The following CYSRT1 variants were observed in gnomAD, a reference collection of about 807,000 sequenced individuals.
CYSRT1 encodes the protein cysteine-rich tail protein 1.
Under a neutral mutation model 6.2 loss-of-function variants are expected in CYSRT1, and 7 were observed. The ratio of observed to expected loss-of-function variants is 1.13; its 90% confidence interval spans 0.64 to 2.13. The LOEUF is 2.13. Ranked by LOEUF, CYSRT1 falls within the 30% of genes most tolerant of loss-of-function variation. The pLI is 0.00. For missense variants in CYSRT1, 188 were observed against 196.4 expected (o/e 0.96, Z 0.26); for synonymous variants, 75 against 83.1 (o/e 0.90, Z 0.53).
intron 1 of CYSRT1, 65 bp from the exon 2 acceptor site, chr9:137,225,549 C>A: frequency 6.8e-7 from 1 of 1,476,116 alleles, no homozygotes; most frequent in South Asian, 1.4e-5. Context: ...TCCTGGGCCG[C>A]AGGCTCGTGG....
At position 137,226,263 on chromosome 9, in the gene CYSRT1, CCT is replaced by C. The variant is rs1429188566; in HGVS notation, c.*208_*209del. On this transcript the variant is annotated 3_prime_UTR_variant, in exon 2 of 2. Coordinates refer to ENST00000650725, the MANE Select transcript of CYSRT1 (RefSeq NM_199001.5). ...CAGGTCCTGGCTGGAGAGGGACACC[CCT>C]GATTACCTTAAGGCCCAGGCAATAA... The C allele has an allele frequency of 3.4e-5, 30 of 889,006 alleles. No individual in the cohort carries two copies. In the Admixed American group the frequency reaches 5.9e-4, roughly 18 times the overall value. The allele number at this position is 889,006 out of a possible 1,614,324, so 55.1% of individuals were successfully genotyped here.
intron 1 of CYSRT1, 145 bp downstream of exon 1, chr9:137,225,378 AG>A (rs200053574): frequency 0.037 from 41,810 of 1,141,422 alleles, 1,005 homozygotes; most frequent in Admixed American, 0.082. Context: ...GATCCCTGGC[AG>A]GGGTGGCAGC....
In CYSRT1 at chr9:137,226,149, T is replaced by G. The variant is rs2131392025; in HGVS notation, c.*93T>G. The G allele has an allele frequency of 6.7e-7, 1 of 1,486,420 alleles. No individual in the cohort carries two copies. Among genetic ancestry groups the G allele is most frequent in the Admixed American group, 2.1e-5 (1 of 47,408 alleles). 92.1% of individuals were successfully genotyped at this position (1,486,420 alleles called of 1,614,324 possible). A position where few individuals can be genotyped will look rare whatever the true frequency, so the allele number is the denominator to read the frequency against. On this transcript the variant is annotated 3_prime_UTR_variant, in exon 2 of 2. Transcript: ENST00000650725. ...GCCGGGACATGCGGGGTGGCTGTTGTCATGGGCGTCTGCCCCTTCACACCA... is the reference window on the plus strand; with the variant it reads ...GCCGGGACATGCGGGGTGGCTGTTGGCATGGGCGTCTGCCCCTTCACACCA...
At chr9:137,225,457 C>A (rs1835949740) in intron 1 of CYSRT1, among the ~76,000 whole-genome samples, 157 bp from the exon 2 acceptor site, 1 of 152,262 alleles carries the variant, frequency 6.6e-6, no homozygotes, top group Admixed American at 6.5e-5. Flanking sequence ...CTTGCACACA[C>A]ATTTGGAGGT....
rs544399774 is a variant in CYSRT1, at chr9:137,226,135, C to T, written c.*79C>T. On this transcript the variant is annotated 3_prime_UTR_variant, in exon 2 of 2. Coordinates refer to ENST00000650725, the MANE Select transcript of CYSRT1 (RefSeq NM_199001.5). ...CAGTGCCGGGACATGCCGGGACATG[C>T]GGGGTGGCTGTTGTCATGGGCGTCT... The T allele has an allele frequency of 5.7e-5, 85 of 1,498,008 alleles. No individual in the cohort carries two copies. The African/African-American group carries it at 8.2e-4, about 14-fold the overall frequency. 92.8% of individuals were successfully genotyped at this position (1,498,008 alleles called of 1,614,324 possible).
rs1835965207 is a variant in CYSRT1, at chr9:137,225,974, G to A, written c.353G>A (p.Cys118Tyr). The A allele has an allele frequency of 6.7e-7, 1 of 1,501,340 alleles. No homozygotes were observed. The highest frequency in any genetic ancestry group is 2.0e-5 in the Admixed American group (1 of 49,814). The allele number at this position is 1,501,340 out of a possible 1,614,324, so 93.0% of individuals were successfully genotyped here. A position where few individuals can be genotyped will look rare whatever the true frequency, so the allele number is the denominator to read the frequency against. Residue 118 changes from cysteine (C) to tyrosine (Y), a missense_variant, in exon 2 of 2, where the codon TGC (cysteine) becomes TAC (tyrosine). Coordinates refer to ENST00000650725, the MANE Select transcript of CYSRT1 (RefSeq NM_199001.5). ...AGRGDDIAHH[C>Y]CCCPCCHCCH... ...CGCGGGGATGACATCGCCCACCACT[G>A]CTGCTGCTGCCCCTGCTGCCACTGC...
chr9:137,225,257 G>A, intron 1 of CYSRT1, 24 bp downstream of exon 1: 1 of 1,521,822 alleles, frequency 6.6e-7, no homozygotes, highest in Non-Finnish European at 8.9e-7. Context: ...CGCCGGGACT[G>A]CCCTGAACTC....
rs1253317071 is a variant in CYSRT1, at chr9:137,225,617, G to A, written c.-5G>A. 1 of 1,549,898 alleles carries A rather than the reference G, an allele frequency of 6.5e-7. No homozygotes were observed. The highest frequency in any genetic ancestry group is 2.0e-5 in the Admixed American group (1 of 50,934). ...TCTTCTCTGCCCACCCCTGCAGGCTGGACCATGGACCCCCAAGAGATGGTC... is the reference window on the plus strand; with the variant it reads ...TCTTCTCTGCCCACCCCTGCAGGCTAGACCATGGACCCCCAAGAGATGGTC... On this transcript the variant is annotated 5_prime_UTR_variant, in exon 2 of 2. Transcript: ENST00000650725.
intron 1 of CYSRT1, among the ~76,000 whole-genome samples, 183 bp from the exon 2 acceptor site, chr9:137,225,431 C>A (rs1266676907): frequency 2.6e-5 from 4 of 152,278 alleles, no homozygotes; most frequent in Non-Finnish European, 1.5e-5. Context: ...ACTTGGCTCA[C>A]ACCCATGACA....
rs1474358749 is a variant in CYSRT1, at chr9:137,226,284, G to A, written c.*228G>A. ...CACCCCTGATTACCTTAAGGCCCAG[G>A]CAATAAAGCAGGGTGATCTTCCTCC... On this transcript the variant is annotated 3_prime_UTR_variant, in exon 2 of 2. Coordinates refer to ENST00000650725, the MANE Select transcript of CYSRT1 (RefSeq NM_199001.5). 8.1e-6 allele frequency: 6 copies of A among 743,474 alleles called. No homozygotes were observed. Among genetic ancestry groups the A allele is most frequent in the Non-Finnish European group, 1.3e-5 (6 of 467,934 alleles). 46.1% of individuals were successfully genotyped at this position (743,474 alleles called of 1,614,324 possible).
chr9:137,225,360 A>G, intron 1 of CYSRT1, 127 bp downstream of exon 1: 1 of 1,112,720 alleles, frequency 9.0e-7, no homozygotes. Flanking sequence ...CCACCAGGGG[A>G]GGGGGAGGAT....
At position 137,225,785 on chromosome 9, in the gene CYSRT1, C is replaced by T. The variant is rs746326548; in HGVS notation, c.164C>T (p.Thr55Ile). The change falls in exon 2 of 2, where the codon ACC (threonine) becomes ATC (isoleucine). Residue 55 changes from threonine (T) to isoleucine (I), a missense_variant. Coordinates refer to ENST00000650725, the MANE Select transcript of CYSRT1 (RefSeq NM_199001.5). The part of the protein sequence containing the change: ...LPVGPCAPEP[T>I]HLLQPTEVPG... ...GTGGGGCCCTGTGCCCCAGAGCCAA[C>T]CCACCTCTTGCAGCCGACCGAGGTC... 2 of 1,549,792 alleles carry T rather than the reference C, an allele frequency of 1.3e-6. No individual in the cohort carries two copies. The highest frequency in any genetic ancestry group is 2.7e-5 in the African/African-American group (2 of 73,050).
Position 137,226,095 on chromosome 9 carries a change from C to A in CYSRT1, c.*39C>A. 6.5e-7 allele frequency: 1 copy of A among 1,533,620 alleles called. No individual in the cohort carries two copies. The highest frequency in any genetic ancestry group is 8.8e-7 in the Non-Finnish European group (1 of 1,135,678). Reference sequence around the variant, plus strand: ...GCCAGGGCCAGGACCCAGACTTCAGCAAATGTGGCTCACACAGTGCCGGGA... The same window carrying A: ...GCCAGGGCCAGGACCCAGACTTCAGAAAATGTGGCTCACACAGTGCCGGGA... On this transcript the variant is annotated 3_prime_UTR_variant, in exon 2 of 2. Transcript: ENST00000650725.
rs886772758 is a variant in CYSRT1 at position 137,225,320 on chromosome 9, C to T, written c.-9+87C>T. 30 of 1,251,730 alleles carry T rather than the reference C, an allele frequency of 2.4e-5. No individual in the cohort carries two copies. The Admixed American group carries it at 6.1e-4, about 26-fold the overall frequency. The allele number at this position is 1,251,730 out of a possible 1,614,324, so 77.5% of individuals were successfully genotyped here. A position where few individuals can be genotyped will look rare whatever the true frequency, so the allele number is the denominator to read the frequency against. On this transcript the variant is annotated intron_variant, in intron 1 of 1. Coordinates refer to ENST00000650725, the MANE Select transcript of CYSRT1 (RefSeq NM_199001.5). ...TCTCCCATCTCTCAGCCTCCCCGAC[C>T]CCATTCCCAGCTCCATCCCAGGACC...
Position 137,225,285 on chromosome 9 carries a change from AG to A in CYSRT1, c.-9+53del, listed in dbSNP as rs573693213. The A allele has an allele frequency of 7.4e-4, 1,035 of 1,406,508 alleles. 1 individual carries two copies. The highest frequency in any genetic ancestry group is 9.3e-4 in the Non-Finnish European group (943 of 1,017,032). The allele number at this position is 1,406,508 out of a possible 1,614,324, so 87.1% of individuals were successfully genotyped here. On this transcript the variant is annotated intron_variant, in intron 1 of 1. Transcript: ENST00000650725. ...CTGAACTCAGGGGCACTGCAGGGTC[AG>A]CCCCCTTCTCTCCCATCTCTCAGCC...
Position 137,226,000 on chromosome 9 carries a change from T to TGCCACTGCC in CYSRT1, c.380_388dup (p.Cys129_Pro130insArgHisCys), listed in dbSNP as rs753434117. On this transcript the variant is annotated inframe_insertion, in exon 2 of 2. Transcript: ENST00000650725. Reference sequence around the variant, plus strand: ...CTGCTGCTGCCCCTGCTGCCACTGCTGCCACTGCCCCCCCTTCTGCCGCTG... The same window carrying TGCCACTGCC: ...CTGCTGCTGCCCCTGCTGCCACTGCTGCCACTGCCGCCACTGCCCCCCCTTCTGCCGCTG... The TGCCACTGCC allele has an allele frequency of 4.5e-6, 7 of 1,549,140 alleles. No individual in the cohort carries two copies. Among genetic ancestry groups the TGCCACTGCC allele is most frequent in the Non-Finnish European group, 6.1e-6 (7 of 1,146,688 alleles).
intron 1 of CYSRT1, 35 bp downstream of exon 1, chr9:137,225,268 A>C: frequency 1.4e-6 from 2 of 1,478,382 alleles, no homozygotes; most frequent in East Asian, 4.9e-5. Context: ...CCCTGAACTC[A>C]GGGGCACTGC....
chr9:137,225,316 C>T lies in CYSRT1; in HGVS notation c.-9+83C>T, dbSNP rs551251039. ...CTTCTCTCCCATCTCTCAGCCTCCC[C>T]GACCCCATTCCCAGCTCCATCCCAG... is the stretch of plus-strand genomic sequence containing the variant. On this transcript the variant is annotated intron_variant, in intron 1 of 1. Coordinates refer to ENST00000650725, the MANE Select transcript of CYSRT1 (RefSeq NM_199001.5). The T allele has an allele frequency of 1.6e-4, 201 of 1,253,136 alleles. 4 individuals carry two copies. Among genetic ancestry groups the T allele is most frequent in the South Asian group, 1.5e-3 (112 of 75,056 alleles). The allele number at this position is 1,253,136 out of a possible 1,614,324, so 77.6% of individuals were successfully genotyped here.
Position 137,226,183 on chromosome 9 carries a change from G to C in CYSRT1, c.*127G>C. ...TCTGCCCCTTCACACCAGGCACTGGGGCTCAGACCCACCAGGAAGGTGGCC... is the reference window on the plus strand; with the variant it reads ...TCTGCCCCTTCACACCAGGCACTGGCGCTCAGACCCACCAGGAAGGTGGCC... On this transcript the variant is annotated 3_prime_UTR_variant, in exon 2 of 2. Transcript: ENST00000650725. 4.8e-6 allele frequency: 7 copies of C among 1,449,728 alleles called. No individual in the cohort carries two copies. The highest frequency in any genetic ancestry group is 6.4e-6 in the Non-Finnish European group (7 of 1,093,234). 89.8% of individuals were successfully genotyped at this position (1,449,728 alleles called of 1,614,324 possible).
Sources: allele counts gnomAD v4.1 joint callset (sites outside exome capture counted in the v4.1 genomes callset), GRCh38; gene constraint gnomAD v4.1.1; transcripts MANE v1.5; gene names NCBI Gene and HGNC (gene_info 2026-07-23, HGNC 2026-07-21).